CMSS1: variants seen among roughly 807,000 people sequenced by gnomAD.
CMSS1 encodes cms1 ribosomal small subunit homolog.
In CMSS1, 33 loss-of-function variants were observed where a neutral mutation model predicts 43.5. The observed-to-expected ratio is 0.76, with a 90% CI of 0.57 to 1.01. CMSS1 has a LOEUF of 1.01. Among genes scored for constraint, CMSS1 ranks in the 50% least tolerant of loss-of-function variants. CMSS1 has a pLI of 0.00. For synonymous variants in CMSS1, 115 were observed against 117.2 expected (o/e 0.98, Z 0.12); for missense variants, 313 against 326.4 (o/e 0.96, Z 0.32).
chr3:100,162,329 A>G lies in CMSS1; in HGVS notation c.252A>G (p.Lys84=). ...AGAAAATTACTGATGTTCTTGCAAA[A>G]TCAGAACCAAAACCAGGGTTACCTG... ...RKKKITDVLA[K]SEPKPGLPED... is the part of the protein sequence containing the mutation. The change falls in exon 4 of 10, where the codon AAA becomes AAG. Residue 84 remains lysine, a synonymous_variant. Transcript: ENST00000421999. The G allele has an allele frequency of 1.2e-6, 2 of 1,612,168 alleles. No individual in the cohort carries two copies. The highest frequency in any genetic ancestry group is 1.3e-5 in the African/African-American group (1 of 74,914).
At chr3:99,865,552 T>G (rs992343608) in intron 1 of CMSS1, among the ~76,000 whole-genome samples, 9 of 152,210 alleles carry the variant, frequency 5.9e-5, no homozygotes. Context: ...ATAGCAAGTT[T>G]CGTCATTTGG....
At chr3:99,825,574 T>C (rs1942521016) in intron 1 of CMSS1, among the ~76,000 whole-genome samples, 1 of 152,132 alleles carries the variant, frequency 6.6e-6, no homozygotes, top group African/African-American at 2.4e-5. Context: ...ATTACGAACA[T>C]TTAAAGGTGG....
intron 1 of CMSS1, among the ~76,000 whole-genome samples, chr3:99,944,194 T>G (rs1212525515): frequency 6.6e-6 from 1 of 151,902 alleles, no homozygotes; most frequent in South Asian, 2.1e-4. Context: ...ATTTTAAGAG[T>G]GTGTGTTATT....
At chr3:100,012,630 C>T (rs1710191338) in intron 1 of CMSS1, among the ~76,000 whole-genome samples, 2 of 152,134 alleles carry the variant, frequency 1.3e-5, no homozygotes, top group Admixed American at 6.6e-5. Flanking sequence ...ATTTCATAGA[C>T]TCAGTTCAGC....
intron 1 of CMSS1, among the ~76,000 whole-genome samples, chr3:99,925,466 G>A (rs1161269990): frequency 6.6e-6 from 1 of 152,140 alleles, no homozygotes; most frequent in Non-Finnish European, 1.5e-5. Flanking sequence ...CCAGTTTACA[G>A]ACTGGAAACA....
chr3:100,014,896 T>TTTTTTTTTTTTTTTTTTTTTTTTTTTC (rs1710290155), intron 1 of CMSS1, among the ~76,000 whole-genome samples: 1 of 70,232 alleles, frequency 1.4e-5, no homozygotes, highest in African/African-American at 5.0e-5. Flanking sequence ...TCTTTCTTTC[T>TTTTTTTTTTTTTTTTTTTTTTTTTTTC]TTTTTTTTTT....
rs1031873822 is a variant in CMSS1 at position 100,168,729 on chromosome 3, A to G, written c.518+889A>G. ...CACACATTCCTAGTAAAACTCCAAT[A>G]GAATTGTGTTGTTTTTTTTTTTAAC... On this transcript the variant is annotated intron_variant, in intron 6 of 9. Coordinates refer to ENST00000421999, the MANE Select transcript of CMSS1 (RefSeq NM_032359.4). Among the ~76,000 whole-genome samples, 2 of 151,894 alleles carry G rather than the reference A, an allele frequency of 1.3e-5. 1 individual carries two copies. Among genetic ancestry groups the G allele is most frequent in the Non-Finnish European group, 2.9e-5 (2 of 67,962 alleles).
intron 1 of CMSS1, among the ~76,000 whole-genome samples, chr3:99,886,396 C>G (rs1705898180): frequency 6.6e-6 from 1 of 150,808 alleles, no homozygotes; most frequent in African/African-American, 2.5e-5. Flanking sequence ...ACACTTAACA[C>G]TAATGATACC....
At position 100,078,943 on chromosome 3, in the gene CMSS1, T is replaced by C. The variant is rs145208491; in HGVS notation, c.65-68030T>C. Among the ~76,000 whole-genome samples, 565 of 152,132 alleles carry C rather than the reference T, an allele frequency of 3.7e-3. 3 individuals are homozygous for C. The highest frequency in any genetic ancestry group is 0.013 in the African/African-American group (525 of 41,496). On this transcript the variant is annotated intron_variant, in intron 1 of 9. Transcript: ENST00000421999. ...AAATCTCATAATATTTTAAGAAAGT[T>C]CACTAATTTGTGTTGGGCCACATTC... is the stretch of plus-strand genomic sequence containing the variant.
intron 1 of CMSS1, among the ~76,000 whole-genome samples, chr3:100,105,876 A>G (rs967563762): frequency 6.6e-6 from 1 of 152,144 alleles, no homozygotes; most frequent in Admixed American, 6.6e-5. Context: ...TTCTCTGTTT[A>G]TCAAACAAAA....
rs528833528 is a variant in CMSS1 at position 99,926,537 on chromosome 3, A to G, written c.64+108494A>G. 2.1e-3 allele frequency among the ~76,000 whole-genome samples: 324 copies of G among 152,366 alleles called. 1 individual carries two copies. Among genetic ancestry groups the G allele is most frequent in the African/African-American group, 7.3e-3 (305 of 41,586 alleles). Reference sequence around the variant, plus strand: ...TGCAATTTGAGAGTGAAATAGTGATAGGATCAGCTTTACTTTAGGGAAGTT... The same window carrying G: ...TGCAATTTGAGAGTGAAATAGTGATGGGATCAGCTTTACTTTAGGGAAGTT... On this transcript the variant is annotated intron_variant, in intron 1 of 9. Transcript: ENST00000421999.
rs79848682 is a variant in CMSS1, at chr3:100,001,260, G to T, written c.65-145713G>T. Among the ~76,000 whole-genome samples the T allele has an allele frequency of 5.3e-4, 80 of 152,232 alleles. 3 individuals carry two copies. The East Asian group carries it at 0.015, about 29-fold the overall frequency. ...CAAATCAGACCCTTAATCTGTTTTT[G>T]TAAATAAAGTTTTATTGGAACATGG... On this transcript the variant is annotated intron_variant, in intron 1 of 9. Coordinates refer to ENST00000421999, the MANE Select transcript of CMSS1 (RefSeq NM_032359.4).
chr3:99,940,817 G>GTAA (rs1485765955), intron 1 of CMSS1, among the ~76,000 whole-genome samples: 1 of 152,230 alleles, frequency 6.6e-6, no homozygotes, highest in Non-Finnish European at 1.5e-5. Context: ...GGACCTTGAG[G>GTAA]TAAACAGGTG....
chr3:99,982,160 C>T (rs745843284), intron 1 of CMSS1, among the ~76,000 whole-genome samples: 4 of 151,730 alleles, frequency 2.6e-5, no homozygotes, highest in East Asian at 1.9e-4. Context: ...CTATATATTT[C>T]GGTATATGTA....
chr3:99,959,386 G>T (rs915542272), intron 1 of CMSS1, among the ~76,000 whole-genome samples: 1 of 152,218 alleles, frequency 6.6e-6, no homozygotes, highest in Non-Finnish European at 1.5e-5. Context: ...CTGTCCTCTT[G>T]TGATCTGCCT....
intron 2 of CMSS1, among the ~76,000 whole-genome samples, chr3:100,153,121 T>C (rs1301555024): frequency 6.6e-6 from 1 of 152,212 alleles, no homozygotes; most frequent in Non-Finnish European, 1.5e-5. Context: ...AATACAACTA[T>C]GTAATTCAAA....
chr3:100,001,046 C>T (rs1432290082), intron 1 of CMSS1, among the ~76,000 whole-genome samples: 1 of 152,158 alleles, frequency 6.6e-6, no homozygotes, highest in Non-Finnish European at 1.5e-5. Context: ...ATATTTCACA[C>T]ACACACACAC....
intron 1 of CMSS1, among the ~76,000 whole-genome samples, chr3:100,070,362 CTTCTAATTAATGAAATTTTAA>C (rs1347732419): frequency 6.6e-6 from 1 of 152,134 alleles, no homozygotes; most frequent in East Asian, 1.9e-4. Context: ...TGTTTGATCT[CTTCTAATTAATGAAATTTTAA>C]AGAAAATTTT....
At chr3:99,857,764 G>C (rs1174010001) in intron 1 of CMSS1, among the ~76,000 whole-genome samples, 1 of 152,150 alleles carries the variant, frequency 6.6e-6, no homozygotes, top group African/African-American at 2.4e-5. Flanking sequence ...TGTAAATAGA[G>C]AATAACTTCA....
Sources: allele counts gnomAD v4.1 joint callset (sites outside exome capture counted in the v4.1 genomes callset), GRCh38; gene constraint gnomAD v4.1.1; transcripts MANE v1.5; gene names NCBI Gene and HGNC (gene_info 2026-07-23, HGNC 2026-07-21).